Variants in CAMTA1 observed in about 807,000 individuals in gnomAD.
CAMTA1 encodes calmodulin-binding transcription activator 1.
Under a neutral mutation model 170.9 loss-of-function variants are expected in CAMTA1, and 27 were observed. The observed-to-expected ratio is 0.16, with a 90% CI of 0.12 to 0.22. The LOEUF (loss-of-function observed/expected upper bound fraction) is 0.22, where lower values mean the gene tolerates loss of function less well. Ranked by LOEUF, CAMTA1 falls within the 10% of genes least tolerant of loss-of-function variation. The pLI, the probability that CAMTA1 is intolerant of heterozygous loss-of-function variation, is 1.00. For missense variants in CAMTA1, 1,619 were observed against 2,217.2 expected (o/e 0.73, Z 5.42); for synonymous variants, 833 against 891.5 (o/e 0.93, Z 1.17).
chr1:7,316,877 T>A (rs1677595902), intron 5 of CAMTA1, among the ~76,000 whole-genome samples: 1 of 151,842 alleles, frequency 6.6e-6, no homozygotes, highest in South Asian at 2.1e-4. Flanking sequence ...GAGTTAGGAT[T>A]CCCCCCATAC....
At chr1:7,643,470 G>C (rs1458992997) in intron 7 of CAMTA1, among the ~76,000 whole-genome samples, 1 of 152,228 alleles carries the variant, frequency 6.6e-6, no homozygotes, top group Non-Finnish European at 1.5e-5. Context: ...GACACACACA[G>C]ACAGCCCTTC....
At chr1:6,847,379 A>G (rs1430288266) in intron 3 of CAMTA1, among the ~76,000 whole-genome samples, 1 of 152,024 alleles carries the variant, frequency 6.6e-6, no homozygotes, top group East Asian at 1.9e-4. Flanking sequence ...AACTATTAAT[A>G]CTTCCTTTCC....
intron 22 of CAMTA1, among the ~76,000 whole-genome samples, chr1:7,763,210 T>A (rs1338020951): frequency 6.6e-6 from 1 of 152,234 alleles, no homozygotes; most frequent in Non-Finnish European, 1.5e-5. Context: ...AAGTAACCTG[T>A]ATAGCTATTG....
intron 5 of CAMTA1, among the ~76,000 whole-genome samples, chr1:7,270,270 C>T (rs1436895553): frequency 9.6e-4 from 39 of 40,460 alleles, no homozygotes; most frequent in African/African-American, 3.3e-3. Flanking sequence ...CACACACACA[C>T]ACACATATAT....
Position 7,747,712 on chromosome 1 carries a change from C to CCGA in CAMTA1, c.4622_4624dup (p.Arg1541dup). The CCGA allele has an allele frequency of 6.2e-7, 1 of 1,605,624 alleles. No individual in the cohort carries two copies. Among genetic ancestry groups the CCGA allele is most frequent in the South Asian group, 1.1e-5 (1 of 89,558 alleles). ...TTTCTCCTTACTTTACCCTTAAGGG[C>CCGA]CGACCCTTGCGGGAACAGCAAGAAG... On this transcript the variant is annotated inframe_insertion, in exon 19 of 23. Coordinates refer to ENST00000303635, the MANE Select transcript of CAMTA1 (RefSeq NM_015215.4).
chr1:7,392,273 TTGAGTCAG>T (rs2088798398), intron 5 of CAMTA1, among the ~76,000 whole-genome samples: 3 of 151,082 alleles, frequency 2.0e-5, no homozygotes, highest in African/African-American at 2.4e-5. Context: ...TTTTTTTTTT[TTGAGTCAG>T]TTTTGCTCTT....
In CAMTA1 at chr1:7,685,001, G is replaced by T. The variant is rs528588339; in HGVS notation, c.2914+7268G>T. Among the ~76,000 whole-genome samples, 24 of 152,296 alleles carry T rather than the reference G, an allele frequency of 1.6e-4. No individual in the cohort carries two copies. In the South Asian group the frequency reaches 4.4e-3, roughly 28 times the overall value. ...GGTTAGGCTCCGGGGACTCCGCGGTGTCGGGGAGTTCACAGGCACCGTCCC... is the reference window on the plus strand; with the variant it reads ...GGTTAGGCTCCGGGGACTCCGCGGTTTCGGGGAGTTCACAGGCACCGTCCC... On this transcript the variant is annotated intron_variant, in intron 11 of 22. Coordinates refer to ENST00000303635, the MANE Select transcript of CAMTA1 (RefSeq NM_015215.4). This position sits in a 1 kb window ranked among gnomAD's most constrained non-coding sequence, Gnocchi z 5.7.
In CAMTA1 at chr1:7,190,048, C is replaced by T. The variant is rs144198816; in HGVS notation, c.303-59443C>T. On this transcript the variant is annotated intron_variant, in intron 4 of 22. Transcript: ENST00000303635. The stretch of plus-strand genomic sequence containing the variant: ...TAACTCAGGAATGGAAAACAAACAT[C>T]GTATGTTCTCACTGATGAGTGGGAG... 3.1e-3 allele frequency among the ~76,000 whole-genome samples: 470 copies of T among 152,210 alleles called. 3 individuals are homozygous for T. The highest frequency in any genetic ancestry group is 0.011 in the African/African-American group (440 of 41,538).
intron 18 of CAMTA1, among the ~76,000 whole-genome samples, chr1:7,746,479 T>G (rs1488750683): frequency 6.6e-6 from 1 of 152,168 alleles, no homozygotes; most frequent in Non-Finnish European, 1.5e-5. Context: ...TTTTATCAAA[T>G]GTTTACAAAG....
chr1:7,409,292 T>C (rs1238313377), intron 5 of CAMTA1, among the ~76,000 whole-genome samples: 3 of 152,064 alleles, frequency 2.0e-5, no homozygotes, highest in African/African-American at 4.8e-5. Flanking sequence ...GAATACTTCT[T>C]CTTGGAGGGA....
chr1:6,921,669 C>G (rs1290870873), intron 3 of CAMTA1, among the ~76,000 whole-genome samples: 4 of 152,164 alleles, frequency 2.6e-5, no homozygotes, highest in Non-Finnish European at 5.9e-5. Flanking sequence ...GCTGGGGAGG[C>G]CTCACAATCA....
In CAMTA1 at chr1:6,918,201, A is replaced by T. The variant is rs2149308274; in HGVS notation, c.234+92991A>T. Among the ~76,000 whole-genome samples, 1 of 152,328 alleles carries T rather than the reference A, an allele frequency of 6.6e-6. No individual in the cohort carries two copies. The highest frequency in any genetic ancestry group is 2.1e-4 in the South Asian group (1 of 4,814). ...GCAGCCCTGGCACTGAAAAGGGAAG[A>T]CATATTGGAGGAGGAGAAACCTTTC... On this transcript the variant is annotated intron_variant, in intron 3 of 22. Coordinates refer to ENST00000303635, the MANE Select transcript of CAMTA1 (RefSeq NM_015215.4). This position sits in a 1 kb window ranked among gnomAD's most constrained non-coding sequence, Gnocchi z 4.0.
intron 5 of CAMTA1, among the ~76,000 whole-genome samples, chr1:7,378,783 G>C (rs932216882): frequency 6.6e-6 from 1 of 152,140 alleles, no homozygotes; most frequent in African/African-American, 2.4e-5. Context: ...AAAAATCGGA[G>C]ACCGAGTCAG....
intron 6 of CAMTA1, among the ~76,000 whole-genome samples, chr1:7,569,246 A>T (rs1051229448): frequency 1.4e-5 from 2 of 147,974 alleles, no homozygotes; most frequent in Non-Finnish European, 3.0e-5. Context: ...CATCATCATC[A>T]TCATCACCAA....
intron 5 of CAMTA1, among the ~76,000 whole-genome samples, chr1:7,352,051 C>A (rs1391847715): frequency 6.6e-6 from 1 of 151,536 alleles, no homozygotes; most frequent in Non-Finnish European, 1.5e-5. Flanking sequence ...ATGGCCCAGA[C>A]AAAAGTCACT....
chr1:7,046,295 A>G (rs1343015995), intron 3 of CAMTA1, among the ~76,000 whole-genome samples: 1 of 152,232 alleles, frequency 6.6e-6, no homozygotes, highest in East Asian at 1.9e-4. Context: ...GCATTTGTTG[A>G]CAACCTCCCA....
chr1:7,162,863 T>C (rs149634285), intron 4 of CAMTA1, among the ~76,000 whole-genome samples: 1 of 152,306 alleles, frequency 6.6e-6, no homozygotes, highest in African/African-American at 2.4e-5. Context: ...ACTCCGTGGC[T>C]GATCTTTTGA....
At chr1:7,448,718 C>A (rs1417439424) in intron 5 of CAMTA1, among the ~76,000 whole-genome samples, 1 of 152,210 alleles carries the variant, frequency 6.6e-6, no homozygotes, top group East Asian at 1.9e-4. Flanking sequence ...AGGCAGGGGT[C>A]TCCCTCCAGC....
intron 6 of CAMTA1, among the ~76,000 whole-genome samples, chr1:7,606,158 T>C (rs892033799): frequency 4.6e-5 from 7 of 152,214 alleles, no homozygotes. Flanking sequence ...CCCCCAGCCC[T>C]GGTCCTGAAG....
Sources: allele counts gnomAD v4.1 joint callset (sites outside exome capture counted in the v4.1 genomes callset), GRCh38; gene constraint gnomAD v4.1.1; non-coding constraint Gnocchi (gnomAD v3.1); transcripts MANE v1.5; gene names NCBI Gene and HGNC (gene_info 2026-07-23, HGNC 2026-07-21).